PBX4: variants seen among roughly 807,000 people sequenced by gnomAD.
The protein encoded by PBX4 is pre-B-cell leukemia transcription factor 4.
In PBX4, 26 loss-of-function variants were observed where a neutral mutation model predicts 35.1. That is an observed-to-expected ratio of 0.74 (90% confidence interval 0.54 to 1.03). The LOEUF (loss-of-function observed/expected upper bound fraction) is 1.03. Among genes scored for constraint, PBX4 ranks in the 50% least tolerant of loss-of-function variants. PBX4 has a pLI of 0.00. For missense variants in PBX4, 448 were observed against 504.3 expected, an observed-to-expected ratio of 0.89 and a Z score of 1.07; for synonymous variants, 199 against 204.2, an observed-to-expected ratio of 0.97 and a Z score of 0.22.
intron 2 of PBX4, among the ~76,000 whole-genome samples, chr19:19,593,206 T>C (rs575060025): frequency 6.6e-6 from 1 of 152,216 alleles, no homozygotes; most frequent in Non-Finnish European, 1.5e-5. Flanking sequence ...TGAGCCACCA[T>C]GTCCTGCCCC....
chr19:19,576,667 G>A (rs1332757370), intron 2 of PBX4, among the ~76,000 whole-genome samples: 1 of 152,018 alleles, frequency 6.6e-6, no homozygotes, highest in Non-Finnish European at 1.5e-5. Flanking sequence ...GCCTAGGGTG[G>A]AATATAGTAG....
intron 5 of PBX4, among the ~76,000 whole-genome samples, chr19:19,569,056 C>A (rs1241490803): frequency 6.6e-6 from 1 of 152,050 alleles, no homozygotes; most frequent in Non-Finnish European, 1.5e-5. Context: ...GGCTCCTGTT[C>A]CACACTTTTT....
At chr19:19,583,046 G>A (rs774284466) in intron 2 of PBX4, among the ~76,000 whole-genome samples, 3 of 152,226 alleles carry the variant, frequency 2.0e-5, no homozygotes, top group Non-Finnish European at 4.4e-5. Flanking sequence ...GGCCAGGCGC[G>A]GTGGCTCATG....
Position 19,563,644 on chromosome 19 carries a change from G to C in PBX4, c.926-29C>G, listed in dbSNP as rs201463493. 3.3e-6 allele frequency: 5 copies of C among 1,533,960 alleles called. No homozygotes were observed. The East Asian group carries it at 1.2e-4, about 38-fold the overall frequency. On this transcript the variant is annotated intron_variant, in intron 6 of 7. Transcript: ENST00000251203. This position sits in a 1 kb window ranked among gnomAD's most constrained non-coding sequence, Gnocchi z 5.1. ...GAAGAGATGGGAGCCGGGGTGGGCA[G>C]AGTCGTGGCGCCTCCTCAGGTGGAA...
intron 2 of PBX4, among the ~76,000 whole-genome samples, chr19:19,578,928 A>G (rs1600411178): frequency 6.6e-6 from 1 of 152,248 alleles, no homozygotes; most frequent in South Asian, 2.1e-4. Flanking sequence ...AGGTCATGTG[A>G]GCTCACAGTA....
At chr19:19,572,012 G>C (rs12975747) in intron 2 of PBX4, among the ~76,000 whole-genome samples, 1 of 139,426 alleles carries the variant, frequency 7.2e-6, no homozygotes, top group Non-Finnish European at 1.5e-5. Flanking sequence ...CAGCTGGGGG[G>C]ATAGAGAGAC....
At chr19:19,606,635 G>T in intron 1 of PBX4, 1 of 152,388 alleles carries the variant, frequency 6.6e-6, no homozygotes, top group Non-Finnish European at 1.5e-5. Flanking sequence ...CCAGAGAATG[G>T]GGACCGTTGG....
At chr19:19,573,043 C>T (rs540399999) in intron 2 of PBX4, among the ~76,000 whole-genome samples, 32 of 151,738 alleles carry the variant, frequency 2.1e-4, no homozygotes, top group Non-Finnish European at 4.0e-4. Flanking sequence ...CAGTGGCTCA[C>T]GCCTGTAATC....
In PBX4 at chr19:19,587,123, C is replaced by T. The variant is rs141077433; in HGVS notation, c.193+12169G>A. 9.6e-3 allele frequency among the ~76,000 whole-genome samples: 1,456 copies of T among 151,856 alleles called. 10 individuals carry two copies. The highest frequency in any genetic ancestry group is 0.014 in the Non-Finnish European group (930 of 67,938). On this transcript the variant is annotated intron_variant, in intron 2 of 7. Coordinates refer to ENST00000251203, the MANE Select transcript of PBX4 (RefSeq NM_025245.3). The stretch of plus-strand genomic sequence containing the variant: ...AGGTTCAAGTGATTCTCCTGCCTCA[C>T]CCTCACAAGTAGCTGGGATTACAGG...
At chr19:19,569,665 T>G in intron 4 of PBX4, 81 bp from the exon 5 acceptor site, 1 of 1,503,216 alleles carries the variant, frequency 6.7e-7, no homozygotes, top group Non-Finnish European at 8.9e-7. Context: ...AGTATGATTT[T>G]CCAGTAGTTC....
chr19:19,614,686 A>G (rs2061679491), intron 1 of PBX4, among the ~76,000 whole-genome samples: 1 of 152,004 alleles, frequency 6.6e-6, no homozygotes, highest in South Asian at 2.1e-4. Flanking sequence ...CAAACCAAAA[A>G]ACAGCCAAAC....
intron 2 of PBX4, among the ~76,000 whole-genome samples, chr19:19,586,481 C>CT (rs1383652055): frequency 6.6e-6 from 1 of 152,056 alleles, no homozygotes; most frequent in African/African-American, 2.4e-5. Flanking sequence ...GCGGTTTAGG[C>CT]TTGTTTTTCT....
intron 1 of PBX4, among the ~76,000 whole-genome samples, chr19:19,609,669 T>G (rs1445913854): frequency 1.4e-5 from 2 of 147,998 alleles, no homozygotes; most frequent in African/African-American, 5.0e-5. Flanking sequence ...GCTCACACGG[T>G]GAAACCCGGT....
intron 1 of PBX4, among the ~76,000 whole-genome samples, chr19:19,602,356 A>C (rs2061603120): frequency 1.3e-5 from 2 of 152,230 alleles, no homozygotes; most frequent in African/African-American, 4.8e-5. Context: ...GTGAGGAGGA[A>C]GCGGAAGCAG....
At chr19:19,599,236 G>A (rs2061580743) in intron 2 of PBX4, 56 bp downstream of exon 2, 45 of 1,460,788 alleles carry the variant, frequency 3.1e-5, no homozygotes, top group Non-Finnish European at 4.3e-5. Flanking sequence ...CAATGTGCTG[G>A]GATTACAGGC....
intron 1 of PBX4, among the ~76,000 whole-genome samples, chr19:19,615,191 A>G (rs1360136426): frequency 7.2e-6 from 1 of 139,724 alleles, no homozygotes; most frequent in Non-Finnish European, 1.6e-5. Context: ...AAAAAAAAAA[A>G]GAAAGATTAG....
rs1487532543 is a variant in PBX4, at chr19:19,561,941, C to T, written c.*84G>A. 2.2e-5 allele frequency: 27 copies of T among 1,229,226 alleles called. No homozygotes were observed. In the East Asian group the frequency reaches 2.6e-4, roughly 12 times the overall value. The allele number at this position is 1,229,226 out of a possible 1,614,324, so 76.1% of individuals were successfully genotyped here. A position where few individuals can be genotyped will look rare whatever the true frequency, so the allele number is the denominator to read the frequency against. ...ACCACCCATCTGGGTTTTCTGAGGT[C>T]GTCGGCGGCACGTTCAGTAACAAAG... On this transcript the variant is annotated 3_prime_UTR_variant, in exon 8 of 8. Transcript: ENST00000251203.
chr19:19,600,141 C>CAATAATAAT (rs3066478), intron 1 of PBX4, among the ~76,000 whole-genome samples: 14 of 149,382 alleles, frequency 9.4e-5, no homozygotes, highest in African/African-American at 1.7e-4. Flanking sequence ...GACTCTGTCT[C>CAATAATAAT]AATAATAATA....
At chr19:19,584,195 G>A (rs929292356) in intron 2 of PBX4, among the ~76,000 whole-genome samples, 3 of 152,144 alleles carry the variant, frequency 2.0e-5, no homozygotes, top group Admixed American at 2.0e-4. Flanking sequence ...CCAAGATCGT[G>A]CCACTGCACT....
Sources: allele counts gnomAD v4.1 joint callset (sites outside exome capture counted in the v4.1 genomes callset), GRCh38; gene constraint gnomAD v4.1.1; non-coding constraint Gnocchi (gnomAD v3.1); transcripts MANE v1.5; gene names NCBI Gene and HGNC (gene_info 2026-07-23, HGNC 2026-07-21).